The following NFILZ variants were observed in gnomAD, a reference collection of about 807,000 sequenced individuals.
NFILZ encodes NFIL3 like protein.
At chr19:8,636,483 C>T (rs1347931358) in intron 3 of NFILZ, among the ~76,000 whole-genome samples, 3 of 133,972 alleles carry the variant, frequency 2.2e-5, no homozygotes, top group Non-Finnish European at 3.2e-5. Context: ...CTTGCTCTGT[C>T]GCCCAGGCTG....
intron 3 of NFILZ, among the ~76,000 whole-genome samples, chr19:8,652,563 G>A (rs148519430): frequency 2.0e-5 from 3 of 152,262 alleles, no homozygotes; most frequent in Non-Finnish European, 4.4e-5. Context: ...TTGTTTTCAC[G>A]CTAAAGAATG....
intron 2 of NFILZ, among the ~76,000 whole-genome samples, chr19:8,635,103 AG>A (rs2042888844): frequency 6.6e-6 from 1 of 151,916 alleles, no homozygotes; most frequent in South Asian, 2.1e-4. Flanking sequence ...TGAGGTCAGG[AG>A]TTCAAGACCA....
At chr19:8,630,988 G>A (rs572357749) in intron 1 of NFILZ, among the ~76,000 whole-genome samples, 7 of 152,288 alleles carry the variant, frequency 4.6e-5, no homozygotes, top group African/African-American at 1.7e-4. Context: ...CAAGTGAGGG[G>A]ATTAAGCAAA....
intron 3 of NFILZ, among the ~76,000 whole-genome samples, chr19:8,649,987 C>T (rs1163978504): frequency 6.6e-6 from 1 of 151,766 alleles, no homozygotes; most frequent in African/African-American, 2.4e-5. Context: ...TGGTCGTGGG[C>T]GCCTGTAATC....
intron 3 of NFILZ, among the ~76,000 whole-genome samples, chr19:8,670,885 C>T (rs2043083432): frequency 6.6e-6 from 1 of 151,648 alleles, no homozygotes; most frequent in Non-Finnish European, 1.5e-5. Flanking sequence ...ATCCCAGCTA[C>T]TCGGGAGGCT....
Position 8,676,764 on chromosome 19 carries a change from C to T in NFILZ, c.-2C>T, listed in dbSNP as rs1263676490. On this transcript the variant is annotated 5_prime_UTR_variant, in exon 6 of 6. Coordinates refer to ENST00000691075, the MANE Select transcript of NFILZ (RefSeq NM_001378600.1). ...CCTTTTTCCCAGGTTCTCCAAGCAG[C>T]TATGGATGTGGGTTTCTCGGGCCTG... The T allele has an allele frequency of 6.6e-6, 1 of 152,430 alleles. No homozygotes were observed. The highest frequency in any genetic ancestry group is 1.5e-5 in the Non-Finnish European group (1 of 68,170). 9.4% of individuals were successfully genotyped at this position (152,430 alleles called of 1,614,324 possible). A position where few individuals can be genotyped will look rare whatever the true frequency, so the allele number is the denominator to read the frequency against.
intron 3 of NFILZ, among the ~76,000 whole-genome samples, chr19:8,651,070 A>G (rs1232194066): frequency 1.3e-5 from 2 of 152,210 alleles, no homozygotes; most frequent in African/African-American, 4.8e-5. Flanking sequence ...GTGTCCTGAT[A>G]AAATCAGGGT....
intron 3 of NFILZ, among the ~76,000 whole-genome samples, chr19:8,651,822 T>C (rs1266711271): frequency 6.6e-6 from 1 of 151,806 alleles, no homozygotes; most frequent in African/African-American, 2.4e-5. Context: ...TGTGAACCAC[T>C]GTGCCCGGCC....
chr19:8,644,132 GCT>G (rs2042929670), intron 3 of NFILZ, among the ~76,000 whole-genome samples: 1 of 152,076 alleles, frequency 6.6e-6, no homozygotes, highest in South Asian at 2.1e-4. Context: ...ATGGAGTCCT[GCT>G]CTGTTACCCA....
intron 3 of NFILZ, among the ~76,000 whole-genome samples, chr19:8,670,116 T>C (rs1555750151): frequency 6.6e-6 from 1 of 152,038 alleles, no homozygotes; most frequent in Non-Finnish European, 1.5e-5. Context: ...TTTTTTTTTT[T>C]TTTTGAGGCA....
chr19:8,649,625 G>C (rs1555747511), intron 3 of NFILZ, among the ~76,000 whole-genome samples: 1 of 152,016 alleles, frequency 6.6e-6, no homozygotes, highest in Non-Finnish European at 1.5e-5. Flanking sequence ...CGGCTCTGCT[G>C]TATGGGTCCT....
chr19:8,655,565 G>A (rs1224831698), intron 3 of NFILZ, among the ~76,000 whole-genome samples: 1 of 152,120 alleles, frequency 6.6e-6, no homozygotes, highest in African/African-American at 2.4e-5. Context: ...CCTCCACCGC[G>A]GGAGGTTCCA....
rs570666255 is a variant in NFILZ at position 8,636,379 on chromosome 19, C to A, written c.-164+633C>A. On this transcript the variant is annotated intron_variant, in intron 3 of 5. Coordinates refer to ENST00000691075, the MANE Select transcript of NFILZ (RefSeq NM_001378600.1). ...AGGAGAAATGCTTGAACCTGGGAGG[C>A]GGAGGTTGCAGTGAGCCGAGATTGC... Among the ~76,000 whole-genome samples the A allele has an allele frequency of 2.0e-3, 295 of 145,488 alleles. 9 individuals are homozygous for A. Among genetic ancestry groups the A allele is most frequent in the Admixed American group, 0.018 (264 of 14,684 alleles).
intron 3 of NFILZ, among the ~76,000 whole-genome samples, chr19:8,645,759 C>T (rs1381218430): frequency 6.6e-6 from 1 of 152,098 alleles, no homozygotes; most frequent in Non-Finnish European, 1.5e-5. Context: ...AATGTGGAGC[C>T]TGAACATAAA....
chr19:8,657,203 G>C (rs2146156396), intron 3 of NFILZ, among the ~76,000 whole-genome samples: 1 of 151,808 alleles, frequency 6.6e-6, no homozygotes, highest in South Asian at 2.1e-4. Flanking sequence ...GGAGTACAGT[G>C]GTATGATCTC....
Position 8,647,521 on chromosome 19 carries a change from G to A in NFILZ, c.-164+11775G>A, listed in dbSNP as rs907693264. Among the ~76,000 whole-genome samples, 6 of 151,648 alleles carry A rather than the reference G, an allele frequency of 4.0e-5. No homozygotes were observed. In the South Asian group the frequency reaches 1.0e-3, roughly 26 times the overall value. On this transcript the variant is annotated intron_variant, in intron 3 of 5. Coordinates refer to ENST00000691075, the MANE Select transcript of NFILZ (RefSeq NM_001378600.1). ...CAGGAGGTGGAGGTTGCAGTGAGCC[G>A]AGATCGCACCACTGCACTCCAGCCT...
chr19:8,668,927 G>A (rs549843912), intron 3 of NFILZ, among the ~76,000 whole-genome samples: 12 of 152,196 alleles, frequency 7.9e-5, no homozygotes, highest in South Asian at 2.1e-4. Flanking sequence ...GAGTGTGGCC[G>A]GAGAAGTCCA....
intron 3 of NFILZ, among the ~76,000 whole-genome samples, chr19:8,640,985 A>T (rs1264895671): frequency 1.3e-5 from 2 of 152,212 alleles, no homozygotes; most frequent in Admixed American, 1.3e-4. Flanking sequence ...ATGCCTCGGT[A>T]ATATGGACTG....
chr19:8,647,354 C>T (rs1555747158), intron 3 of NFILZ, among the ~76,000 whole-genome samples: 1 of 151,826 alleles, frequency 6.6e-6, no homozygotes, highest in South Asian at 2.1e-4. Context: ...GGTGGATCAC[C>T]TGAGGTCAGG....
Sources: gnomAD v4.1 joint callset for allele counts (sites outside exome capture counted in the v4.1 genomes callset) on GRCh38, gnomAD v4.1.1 for gene constraint, MANE v1.5 for transcripts, NCBI Gene and HGNC (gene_info 2026-07-23, HGNC 2026-07-21) for gene names.